Variants in DIP2B observed in about 807,000 individuals in gnomAD.
DIP2B encodes the protein disco-interacting protein 2 homolog B.
DIP2B carries 76 observed loss-of-function variants against 198.0 expected under a neutral mutation model. The observed-to-expected ratio is 0.38, with a 90% CI of 0.32 to 0.46. DIP2B has a LOEUF of 0.46. DIP2B is among the 20% of genes least tolerant of loss of function. DIP2B has a pLI of 0.99. For synonymous variants in DIP2B, 701 were observed against 739.1 expected, an observed-to-expected ratio of 0.95 and a Z score of 0.84; for missense variants, 1,559 against 1,978.4, an observed-to-expected ratio of 0.79 and a Z score of 4.02.
At chr12:50,625,850 TC>T (rs34609458) in intron 1 of DIP2B, 125 bp from the exon 2 acceptor site, 557,670 of 880,758 alleles carry the variant, frequency 0.63, 177,188 homozygotes, top group Non-Finnish European at 0.69. Flanking sequence ...AACCATACAT[TC>T]CCCCCCCCAA....
At chr12:50,595,072 A>C (rs900210180) in intron 1 of DIP2B, among the ~76,000 whole-genome samples, 1 of 152,250 alleles carries the variant, frequency 6.6e-6, no homozygotes, top group Admixed American at 6.5e-5. Context: ...AATGATTTTC[A>C]TACTACTGTT....
At chr12:50,540,053 G>GTTTTTTTTTTTTTTTTTTTTT (rs60978324) in intron 1 of DIP2B, among the ~76,000 whole-genome samples, 23 of 44,166 alleles carry the variant, frequency 5.2e-4, no homozygotes, top group Admixed American at 1.3e-3. Flanking sequence ...TTGTTTCTGT[G>GTTTTTTTTTTTTTTTTTTTTT]TTTTTTTTTT....
At chr12:50,708,342 T>C in intron 21 of DIP2B, 106 bp from the exon 22 acceptor site, 1 of 895,728 alleles carries the variant, frequency 1.1e-6, no homozygotes, top group Non-Finnish European at 1.8e-6. Flanking sequence ...AGCTACTCGT[T>C]TTGGGTAGCA....
chr12:50,506,810 C>T (rs763680985), intron 1 of DIP2B, among the ~76,000 whole-genome samples: 9 of 152,170 alleles, frequency 5.9e-5, no homozygotes, highest in African/African-American at 9.7e-5. Context: ...TCTGTGTTGA[C>T]TTGCATTAAA....
chr12:50,725,033 T>G, intron 28 of DIP2B, 147 bp downstream of exon 28: 1 of 746,740 alleles, frequency 1.3e-6, no homozygotes, highest in South Asian at 1.7e-5. Flanking sequence ...AGTAAGCTTG[T>G]GCAGGACTAG....
intron 1 of DIP2B, among the ~76,000 whole-genome samples, chr12:50,509,613 G>A (rs902121470): frequency 1.3e-5 from 2 of 152,234 alleles, no homozygotes; most frequent in Non-Finnish European, 2.9e-5. Flanking sequence ...AAGGCAAAGG[G>A]ATAAGAGAAG....
chr12:50,743,227 C>A (rs1592151647), intron 37 of DIP2B, among the ~76,000 whole-genome samples: 1 of 152,126 alleles, frequency 6.6e-6, no homozygotes, highest in Admixed American at 6.5e-5. Flanking sequence ...GGACTACAGG[C>A]ACACTCAACC....
At chr12:50,605,741 C>T (rs1037855708) in intron 1 of DIP2B, among the ~76,000 whole-genome samples, 2 of 152,138 alleles carry the variant, frequency 1.3e-5, no homozygotes, top group African/African-American at 4.8e-5. Flanking sequence ...ACCATGTTTT[C>T]AAGGTTCAGT....
intron 1 of DIP2B, among the ~76,000 whole-genome samples, chr12:50,618,977 A>G (rs1156656128): frequency 1.3e-5 from 2 of 152,156 alleles, no homozygotes; most frequent in African/African-American, 2.4e-5. Context: ...TCTTTGTTTA[A>G]TGACCTGCAT....
At chr12:50,669,888 G>A (rs1332007041) in intron 4 of DIP2B, among the ~76,000 whole-genome samples, 2 of 152,174 alleles carry the variant, frequency 1.3e-5, no homozygotes, top group African/African-American at 4.8e-5. Flanking sequence ...AACCTACAGT[G>A]TCACCTGAGT....
At chr12:50,505,637 C>T (rs989430838) in intron 1 of DIP2B, among the ~76,000 whole-genome samples, 6 of 152,028 alleles carry the variant, frequency 3.9e-5, no homozygotes, top group Admixed American at 6.5e-5. Context: ...TCGTGGAGGG[C>T]TCCACGCCTT....
At chr12:50,605,449 G>A (rs1187572067) in intron 1 of DIP2B, among the ~76,000 whole-genome samples, 10 of 152,062 alleles carry the variant, frequency 6.6e-5, no homozygotes, top group Non-Finnish European at 4.4e-5. Flanking sequence ...CCGTAGTCCC[G>A]CTACTGGGGA....
At chr12:50,534,606 C>A (rs1326664416) in intron 1 of DIP2B, among the ~76,000 whole-genome samples, 2 of 152,070 alleles carry the variant, frequency 1.3e-5, no homozygotes, top group African/African-American at 4.8e-5. Flanking sequence ...TCAGCTGATC[C>A]ACCCACCTCG....
At chr12:50,619,047 A>G (rs973492738) in intron 1 of DIP2B, among the ~76,000 whole-genome samples, 3 of 151,830 alleles carry the variant, frequency 2.0e-5, no homozygotes, top group African/African-American at 4.8e-5. Context: ...CCCACCCTCT[A>G]TCACCACCCC....
chr12:50,629,021 G>C (rs1937990743), intron 2 of DIP2B, among the ~76,000 whole-genome samples: 1 of 152,170 alleles, frequency 6.6e-6, no homozygotes, highest in South Asian at 2.1e-4. Flanking sequence ...TGGGACTACA[G>C]GCATGAGCTC....
intron 18 of DIP2B, 52 bp from the exon 19 acceptor site, chr12:50,699,014 A>G (rs1939368865): frequency 1.3e-6 from 2 of 1,595,566 alleles, no homozygotes; most frequent in Non-Finnish European, 1.7e-6. Flanking sequence ...CTGTTATTTT[A>G]CAAAAGTTTT....
At chr12:50,662,797 T>A (rs547944687) in intron 4 of DIP2B, among the ~76,000 whole-genome samples, 8 of 151,582 alleles carry the variant, frequency 5.3e-5, no homozygotes, top group East Asian at 1.9e-4. Flanking sequence ...AAAAAAAAAA[T>A]GAGCTTCTGG....
intron 1 of DIP2B, among the ~76,000 whole-genome samples, chr12:50,549,374 C>T (rs1046896082): frequency 1.3e-5 from 2 of 152,088 alleles, no homozygotes; most frequent in East Asian, 1.9e-4. Flanking sequence ...ACTAAAAATA[C>T]GAAAAATAAG....
intron 3 of DIP2B, among the ~76,000 whole-genome samples, chr12:50,653,874 T>C (rs1461461987): frequency 6.6e-6 from 1 of 151,782 alleles, no homozygotes; most frequent in Non-Finnish European, 1.5e-5. Flanking sequence ...CCTTTTGCTA[T>C]TTTTTTTGTT....
Sources: gnomAD v4.1 joint callset for allele counts (sites outside exome capture counted in the v4.1 genomes callset) on GRCh38, gnomAD v4.1.1 for gene constraint, MANE v1.5 for transcripts, NCBI Gene and HGNC (gene_info 2026-07-23, HGNC 2026-07-21) for gene names.